Variants in CLK3 observed in about 807,000 individuals in gnomAD.
CLK3 encodes dual specificity protein kinase CLK3.
CLK3 carries 24 observed loss-of-function variants against 65.2 expected under a neutral mutation model. That is an observed-to-expected ratio of 0.37 (90% CI 0.27 to 0.52). The LOEUF (loss-of-function observed/expected upper bound fraction) is 0.52, where lower values mean the gene tolerates loss of function less well. Among genes scored for constraint, CLK3 ranks in the 20% least tolerant of loss-of-function variants. The pLI is 0.92. For synonymous variants in CLK3, 252 were observed against 240.8 expected, an observed-to-expected ratio of 1.05 and a Z score of -0.43; for missense variants, 506 against 660.0, an observed-to-expected ratio of 0.77 and a Z score of 2.56.
upstream of CLK3, chr15:74,614,687 C>T (rs926219503): frequency 2.0e-5 from 3 of 152,208 alleles, no homozygotes; most frequent in Non-Finnish European, 4.4e-5. Flanking sequence ...CCCTGCGACA[C>T]CTCCCCGCTT....
intron 6 of CLK3, 104 bp downstream of exon 6, chr15:74,625,122 C>A: frequency 1.3e-6 from 1 of 798,724 alleles, no homozygotes; most frequent in Non-Finnish European, 2.1e-6. Context: ...CTTCTCCCCA[C>A]ACTCAGAACC....
At position 74,622,017 on chromosome 15, in the gene CLK3, C is replaced by T; in HGVS notation, c.370-103C>T. On this transcript the variant is annotated intron_variant, in intron 3 of 12. Coordinates refer to ENST00000395066, the MANE Select transcript of CLK3 (RefSeq NM_001130028.2). This position sits in a 1 kb window ranked among gnomAD's most constrained non-coding sequence, Gnocchi z 4.6. ...ATCCAACCAACCAACCCACCGGCTC[C>T]TCACCGTCTCCACCTCTGCCTTTGA... 9.3e-7 allele frequency: 1 copy of T among 1,073,344 alleles called. No homozygotes were observed. Among genetic ancestry groups the T allele is most frequent in the South Asian group, 1.3e-5 (1 of 77,556 alleles). 66.5% of individuals were successfully genotyped at this position (1,073,344 alleles called of 1,614,324 possible). A position where few individuals can be genotyped will look rare whatever the true frequency, so the allele number is the denominator to read the frequency against.
chr15:74,625,980 C>G lies in CLK3; in HGVS notation c.817+12C>G. On this transcript the variant is annotated intron_variant, in intron 7 of 12. Transcript: ENST00000395066. ...CCACGCCCTTAGATGTAAGTGTCCA[C>G]CCTCAAAAGAAGCATGGGCAGCCAC... 1 of 1,613,234 alleles carries G rather than the reference C, an allele frequency of 6.2e-7. No homozygotes were observed. Among genetic ancestry groups the G allele is most frequent in the Non-Finnish European group, 8.5e-7 (1 of 1,179,286 alleles).
chr15:74,622,618 G>C lies in CLK3; in HGVS notation c.533+58G>C, dbSNP rs2062112560. On this transcript the variant is annotated intron_variant, in intron 5 of 12. Transcript: ENST00000395066. This position sits in a 1 kb window ranked among gnomAD's most constrained non-coding sequence, Gnocchi z 4.6. Reference sequence around the variant, plus strand: ...GATGTGATCTTCCTGGGAAGAGCTGGCCTGAGGTTCTTGAGGGTGGCAGCT... The same window carrying C: ...GATGTGATCTTCCTGGGAAGAGCTGCCCTGAGGTTCTTGAGGGTGGCAGCT... 2 of 1,414,762 alleles carry C rather than the reference G, an allele frequency of 1.4e-6. No homozygotes were observed. Among genetic ancestry groups the C allele is most frequent in the African/African-American group, 2.9e-5 (2 of 69,314 alleles). 87.6% of individuals were successfully genotyped at this position (1,414,762 alleles called of 1,614,324 possible).
chr15:74,614,214 A>G (rs1394953714), upstream of CLK3, among the ~76,000 whole-genome samples: 2 of 152,136 alleles, frequency 1.3e-5, no homozygotes, highest in African/African-American at 4.8e-5. Context: ...GGGTTTCGCC[A>G]TGTTGGCCAG....
upstream of CLK3, among the ~76,000 whole-genome samples, chr15:74,614,647 G>T (rs2062032383): frequency 6.6e-6 from 1 of 152,246 alleles, no homozygotes; most frequent in African/African-American, 2.4e-5. Context: ...AGGACTTGAT[G>T]CGCAGCCGCA....
chr15:74,618,703 G>T (rs1213945365), intron 1 of CLK3, among the ~76,000 whole-genome samples: 1 of 152,258 alleles, frequency 6.6e-6, no homozygotes, highest in Non-Finnish European at 1.5e-5. Flanking sequence ...GCCCTAGCCA[G>T]ACAGCGTTCA....
intron 12 of CLK3, 137 bp downstream of exon 12, chr15:74,629,169 T>G (rs989486492): frequency 1.3e-6 from 1 of 744,950 alleles, no homozygotes; most frequent in African/African-American, 1.7e-5. Context: ...CACCCAAGAC[T>G]GCTGGGTGCT....
rs892423131 is a variant in CLK3 at position 74,624,087 on chromosome 15, C to T, written c.534-815C>T. On this transcript the variant is annotated intron_variant, in intron 5 of 12. Transcript: ENST00000395066. The surrounding 1 kb of genome is among the most constrained non-coding windows in gnomAD (Gnocchi z 4.2). Reference sequence around the variant, plus strand: ...GCCTTAGGCACCACAGTCAGCCTCCCTGAGGCCTCAGAGGACACGCCCTTC... The same window carrying T: ...GCCTTAGGCACCACAGTCAGCCTCCTTGAGGCCTCAGAGGACACGCCCTTC... 2.0e-5 allele frequency: 3 copies of T among 152,240 alleles called. No individual in the cohort carries two copies. The highest frequency in any genetic ancestry group is 2.1e-4 in the South Asian group (1 of 4,832). The allele number at this position is 152,240 out of a possible 1,614,324, so 9.4% of individuals were successfully genotyped here.
At chr15:74,618,006 CA>C in intron 1 of CLK3, among the ~76,000 whole-genome samples, 1 of 152,314 alleles carries the variant, frequency 6.6e-6, no homozygotes, top group South Asian at 2.1e-4. Context: ...GAGAGGCTCC[CA>C]GGGGTTTGGT....
chr15:74,625,231 G>A lies in CLK3; in HGVS notation c.650+213G>A, dbSNP rs554675081. Among the ~76,000 whole-genome samples, 9 of 152,288 alleles carry A rather than the reference G, an allele frequency of 5.9e-5. No homozygotes were observed. In the South Asian group the frequency reaches 1.2e-3, roughly 21 times the overall value. On this transcript the variant is annotated intron_variant, in intron 6 of 12. Coordinates refer to ENST00000395066, the MANE Select transcript of CLK3 (RefSeq NM_001130028.2). ...CCTGAGGAAGGCCTCCCAGCCCTGC[G>A]TTTTGTGAATTGGGGAGCTCACTGG... is the stretch of plus-strand genomic sequence containing the variant.
chr15:74,622,663 C>A lies in CLK3; in HGVS notation c.533+103C>A, dbSNP rs1436704130. 1.1e-6 allele frequency: 1 copy of A among 891,802 alleles called. No homozygotes were observed. Among genetic ancestry groups the A allele is most frequent in the East Asian group, 2.6e-5 (1 of 38,774 alleles). 55.2% of individuals were successfully genotyped at this position (891,802 alleles called of 1,614,324 possible). A position where few individuals can be genotyped will look rare whatever the true frequency, so the allele number is the denominator to read the frequency against. Reference sequence around the variant, plus strand: ...GCAGCTATCAGAGCTTAACTTTTTTCTTTTTGAAGGGTGGCATCAAAGTAG... The same window carrying A: ...GCAGCTATCAGAGCTTAACTTTTTTATTTTTGAAGGGTGGCATCAAAGTAG... On this transcript the variant is annotated intron_variant, in intron 5 of 12. Transcript: ENST00000395066. This position sits in a 1 kb window ranked among gnomAD's most constrained non-coding sequence, Gnocchi z 4.6.
rs1461987354 is a variant in CLK3, at chr15:74,624,998, G to C, written c.630G>C (p.Glu210Asp). The part of the protein sequence containing the change: ...LEINVLKKIK[E>D]KDKENKFLCV... ...TCAACGTGCTCAAAAAAATCAAGGAGAAGGACAAAGAAAACAAGTTGTGAG... is the reference window on the plus strand; with the variant it reads ...TCAACGTGCTCAAAAAAATCAAGGACAAGGACAAAGAAAACAAGTTGTGAG... Residue 210 changes from glutamate (E) to aspartate (D), a missense_variant, in exon 6 of 13, where the codon GAG becomes GAC. By Grantham distance (45) the Glu-to-Asp change is conservative. This residue lies in a region of CLK3 where 325 missense variants were observed against 500.5 expected (regional missense o/e 0.65). Coordinates refer to ENST00000395066, the MANE Select transcript of CLK3 (RefSeq NM_001130028.2). The surrounding 1 kb of genome is among the most constrained non-coding windows in gnomAD (Gnocchi z 4.2). The C allele has an allele frequency of 6.2e-7, 1 of 1,613,690 alleles. No individual in the cohort carries two copies.
chr15:74,620,528 GGGACACTTCTTA>G lies in CLK3; in HGVS notation c.369+318_369+329del, dbSNP rs1257377299. 1.9e-4 allele frequency: 95 copies of G among 510,958 alleles called. No homozygotes were observed. The East Asian group carries it at 2.0e-3, about 11-fold the overall frequency. The allele number at this position is 510,958 out of a possible 1,614,324, so 31.7% of individuals were successfully genotyped here. ...AAAGGCCACGTGGTGCAAGTGGCTG[GGGACACTTCTTA>G]GGACACTTCTTAGGGATCCTAGTAG... On this transcript the variant is annotated intron_variant, in intron 3 of 12. Transcript: ENST00000395066.
At chr15:74,626,126 G>C (rs967367340) in intron 7 of CLK3, among the ~76,000 whole-genome samples, 158 bp downstream of exon 7, 3 of 152,174 alleles carry the variant, frequency 2.0e-5, no homozygotes, top group African/African-American at 7.2e-5. Flanking sequence ...GTCTTTGGGT[G>C]GGAATCTCAG....
chr15:74,612,190 C>T (rs1567138075), upstream of CLK3, among the ~76,000 whole-genome samples: 1 of 152,348 alleles, frequency 6.6e-6, no homozygotes, highest in South Asian at 2.1e-4. Context: ...TGCACCAGAG[C>T]CACGTTCCCC....
chr15:74,627,154 G>A lies in CLK3; in HGVS notation c.818-198G>A, dbSNP rs1405048988. ...TTCCTACCCCCCTGCTAAAGTATCA[G>A]AACCCTCCAAGGCCTCAAGTACAGA... On this transcript the variant is annotated intron_variant, in intron 7 of 12. Coordinates refer to ENST00000395066, the MANE Select transcript of CLK3 (RefSeq NM_001130028.2). This position sits in a 1 kb window ranked among gnomAD's most constrained non-coding sequence, Gnocchi z 4.3. 1.4e-6 allele frequency: 1 copy of A among 705,546 alleles called. No homozygotes were observed. Among genetic ancestry groups the A allele is most frequent in the Non-Finnish European group, 2.6e-6 (1 of 384,256 alleles). 43.7% of individuals were successfully genotyped at this position (705,546 alleles called of 1,614,324 possible).
intron 3 of CLK3, 124 bp downstream of exon 3, chr15:74,620,349 T>G: frequency 1.6e-6 from 2 of 1,278,350 alleles, no homozygotes; most frequent in Non-Finnish European, 2.2e-6. Flanking sequence ...TGTGCGTGCA[T>G]GTGTGTGTGT....
rs1302399087 is a variant in CLK3 at position 74,619,883 on chromosome 15, C to T, written c.153-126C>T. On this transcript the variant is annotated intron_variant, in intron 2 of 12. Coordinates refer to ENST00000395066, the MANE Select transcript of CLK3 (RefSeq NM_001130028.2). ...CACCCTCCCCTCTCTGCCCACTTCC[C>T]ACCAGTGTGGATGCTTTTAGCACAG... is the stretch of plus-strand genomic sequence containing the variant. 4.7e-6 allele frequency: 7 copies of T among 1,480,346 alleles called. No homozygotes were observed. The East Asian group carries it at 1.7e-4, about 36-fold the overall frequency. The allele number at this position is 1,480,346 out of a possible 1,614,324, so 91.7% of individuals were successfully genotyped here. A position where few individuals can be genotyped will look rare whatever the true frequency, so the allele number is the denominator to read the frequency against.
Sources: allele counts gnomAD v4.1 joint callset (sites outside exome capture counted in the v4.1 genomes callset), GRCh38; gene constraint gnomAD v4.1.1; regional missense constraint gnomAD v4.1.1; non-coding constraint Gnocchi (gnomAD v3.1); transcripts MANE v1.5; gene names NCBI Gene and HGNC (gene_info 2026-07-23, HGNC 2026-07-21).